RANGAP1: variants seen among roughly 807,000 people sequenced by gnomAD.
The protein encoded by RANGAP1 is Ran GTPase activating protein 1, also known as ran GTPase-activating protein 1.
A neutral mutation model predicts 63.5 loss-of-function variants in RANGAP1; 38 were observed. That is an observed-to-expected ratio of 0.60 (90% CI 0.46 to 0.78). RANGAP1 has a LOEUF of 0.78. RANGAP1 is among the 30% of genes least tolerant of loss of function. The pLI is 0.00. For missense variants in RANGAP1, 630 were observed against 740.3 expected (o/e 0.85, Z 1.73); for synonymous variants, 329 against 310.5 (o/e 1.06, Z -0.63).
rs2033931686 is a variant in RANGAP1 at position 41,257,812 on chromosome 22, G to C, written c.774+136C>G. On this transcript the variant is annotated intron_variant, in intron 7 of 15. Coordinates refer to ENST00000356244, the MANE Select transcript of RANGAP1 (RefSeq NM_002883.4). The surrounding 1 kb of genome is among the most constrained non-coding windows in gnomAD (Gnocchi z 4.0). ...TGTTCAGGACATGTTCAAAGAGCTGGAGCCATGGGGCACACACCCAGGGGG... is the reference window on the plus strand; with the variant it reads ...TGTTCAGGACATGTTCAAAGAGCTGCAGCCATGGGGCACACACCCAGGGGG... The C allele has an allele frequency of 1.8e-6, 2 of 1,092,730 alleles. No individual in the cohort carries two copies. Among genetic ancestry groups the C allele is most frequent in the African/African-American group, 1.6e-5 (1 of 62,614 alleles). The allele number at this position is 1,092,730 out of a possible 1,614,324, so 67.7% of individuals were successfully genotyped here. A position where few individuals can be genotyped will look rare whatever the true frequency, so the allele number is the denominator to read the frequency against.
chr22:41,256,918 C>T, intron 7 of RANGAP1, 94 bp from the exon 8 acceptor site: 1 of 858,200 alleles, frequency 1.2e-6, no homozygotes, highest in Non-Finnish European at 1.9e-6. Context: ...CATCCCAAGC[C>T]AGCCACCACA....
intron 3 of RANGAP1, among the ~76,000 whole-genome samples, chr22:41,268,845 A>G (rs1166000467): frequency 6.6e-6 from 1 of 152,160 alleles, no homozygotes; most frequent in African/African-American, 2.4e-5. Flanking sequence ...ACTTGAGGTC[A>G]GGAGTTCCAG....
intron 12 of RANGAP1, 44 bp from the exon 13 acceptor site, chr22:41,251,153 A>G: frequency 3.3e-6 from 5 of 1,523,428 alleles, no homozygotes; most frequent in Non-Finnish European, 4.5e-6. Context: ...CACGTGGTGG[A>G]GAGGTACCTG....
chr22:41,280,771 ATC>A (rs2035451554), intron 2 of RANGAP1, 160 bp downstream of exon 2: 1 of 1,527,960 alleles, frequency 6.5e-7, no homozygotes, highest in South Asian at 1.2e-5. Flanking sequence ...TGGGCAAATG[ATC>A]TCTGAGCCTC....
chr22:41,256,653 C>T, intron 8 of RANGAP1, 58 bp downstream of exon 8: 29 of 1,498,822 alleles, frequency 1.9e-5, no homozygotes, highest in Non-Finnish European at 2.7e-5. Context: ...CCTGTGCCCC[C>T]AGCCGCCCCA....
the RANGAP1 span, chr22:41,301,466 G>A: frequency 1.3e-5 from 2 of 152,084 alleles, no homozygotes; most frequent in Non-Finnish European, 2.9e-5. Flanking sequence ...CGCCCACCCC[G>A]GGCGCGGCGA....
At chr22:41,276,279 T>A (rs2035140948) in intron 2 of RANGAP1, among the ~76,000 whole-genome samples, 1 of 152,184 alleles carries the variant, frequency 6.6e-6, no homozygotes, top group African/African-American at 2.4e-5. Flanking sequence ...CTATTTGAAG[T>A]AAAATGTTCT....
intron 3 of RANGAP1, among the ~76,000 whole-genome samples, chr22:41,270,109 ACAGGCGT>A (rs2034713646): frequency 6.6e-6 from 1 of 151,888 alleles, no homozygotes; most frequent in Non-Finnish European, 1.5e-5. Context: ...TGCTGGGATT[ACAGGCGT>A]GAGCCACCGT....
intron 1 of RANGAP1, chr22:41,282,658 G>A (rs765268103): frequency 1.3e-5 from 2 of 152,160 alleles, no homozygotes; most frequent in Non-Finnish European, 2.9e-5. Context: ...AAAGCTTTGA[G>A]AACTCCTGCG....
At chr22:41,302,082 C>T in the RANGAP1 span, among the ~76,000 whole-genome samples, 1 of 152,066 alleles carries the variant, frequency 6.6e-6, no homozygotes, top group Non-Finnish European at 1.5e-5. The surrounding 1 kb of genome is among the most constrained non-coding windows in gnomAD (Gnocchi z 5.7). Context: ...GCCCCTGCAG[C>T]CCCCAGGAGG....
intron 1 of RANGAP1, chr22:41,285,534 A>G: frequency 2.0e-6 from 2 of 985,498 alleles, no homozygotes; most frequent in Non-Finnish European, 2.4e-6. Flanking sequence ...AAGCGTCAGC[A>G]GTGACTCACA....
intron 1 of RANGAP1, among the ~76,000 whole-genome samples, chr22:41,284,228 C>G (rs547136536): frequency 6.6e-6 from 1 of 151,624 alleles, no homozygotes; most frequent in South Asian, 2.1e-4. Context: ...GCCTGGGCAA[C>G]AGAGCGAGAC....
At chr22:41,270,373 G>A (rs2034732655) in intron 3 of RANGAP1, among the ~76,000 whole-genome samples, 1 of 152,120 alleles carries the variant, frequency 6.6e-6, no homozygotes, top group Non-Finnish European at 1.5e-5. Context: ...TTGAACTCCT[G>A]ACCTCAGGTG....
chr22:41,255,126 G>A (rs1180644391), intron 10 of RANGAP1, among the ~76,000 whole-genome samples: 1 of 152,230 alleles, frequency 6.6e-6, no homozygotes, highest in Non-Finnish European at 1.5e-5. Flanking sequence ...TGAGATGCCA[G>A]GGCAGGGGCG....
chr22:41,299,636 G>A, the RANGAP1 span, among the ~76,000 whole-genome samples: 1 of 152,244 alleles, frequency 6.6e-6, no homozygotes, highest in East Asian at 1.9e-4. Flanking sequence ...AAGAAGCGGT[G>A]GCTGTTACTG....
chr22:41,254,903 C>T (rs1050023507), intron 10 of RANGAP1, among the ~76,000 whole-genome samples: 36 of 151,016 alleles, frequency 2.4e-4, no homozygotes, highest in African/African-American at 8.0e-4. Context: ...ACCCTGGAGG[C>T]GGAGCTGGCA....
chr22:41,249,361 G>A lies in RANGAP1; in HGVS notation c.1663C>T (p.Leu555Phe). 2 of 1,611,930 alleles carry A rather than the reference G, an allele frequency of 1.2e-6. No homozygotes were observed. Among genetic ancestry groups the A allele is most frequent in the African/African-American group, 1.3e-5 (1 of 75,028 alleles). ...MVQQDYFPKA[L>F]APLLLAFVTK... ...ACGAACGCCAGCAGCAGGGGTGCAAGGGCCTTGGGGAAATAGTCCTGCTGC... is the reference window on the plus strand; with the variant it reads ...ACGAACGCCAGCAGCAGGGGTGCAAAGGCCTTGGGGAAATAGTCCTGCTGC... Residue 555 changes from leucine (L) to phenylalanine (F), a missense_variant, in exon 15 of 16, where the codon CTT (leucine) becomes TTT (phenylalanine). Transcript: ENST00000356244.
intron 10 of RANGAP1, among the ~76,000 whole-genome samples, chr22:41,255,376 T>A (rs2033759343): frequency 6.6e-6 from 1 of 152,172 alleles, no homozygotes; most frequent in Non-Finnish European, 1.5e-5. Flanking sequence ...GGGAGCCCGA[T>A]GCTGATGGCC....
chr22:41,299,095 T>A, the RANGAP1 span, among the ~76,000 whole-genome samples: 3 of 152,048 alleles, frequency 2.0e-5, no homozygotes, highest in African/African-American at 7.2e-5. Context: ...AGGCCCCACC[T>A]CCTAATACCA....
Sources: allele counts gnomAD v4.1 joint callset (sites outside exome capture counted in the v4.1 genomes callset), GRCh38; gene constraint gnomAD v4.1.1; non-coding constraint Gnocchi (gnomAD v3.1); transcripts MANE v1.5; gene names NCBI Gene and HGNC (gene_info 2026-07-23, HGNC 2026-07-21).